Variants in TAOK3 observed in about 807,000 individuals in gnomAD.
TAOK3 encodes the protein TAO kinase 3.
TAOK3 carries 40 observed loss-of-function variants against 120.4 expected under a neutral mutation model. The observed-to-expected ratio is 0.33, with a 90% CI of 0.26 to 0.43. The LOEUF (loss-of-function observed/expected upper bound fraction) is 0.43. Ranked by LOEUF, TAOK3 falls within the 20% of genes least tolerant of loss-of-function variation. TAOK3 has a pLI of 1.00. For missense variants in TAOK3, 821 were observed against 1,112.1 expected (o/e 0.74, Z 3.72); for synonymous variants, 355 against 387.5 (o/e 0.92, Z 0.99).
intron 11 of TAOK3, among the ~76,000 whole-genome samples, chr12:118,212,063 C>T (rs529548388): frequency 6.6e-6 from 1 of 152,336 alleles, no homozygotes; most frequent in African/African-American, 2.4e-5. Flanking sequence ...GAAGTAAAAA[C>T]TTGTCACCTA....
intron 19 of TAOK3, chr12:118,152,684 C>T (rs979920378): frequency 6.5e-5 from 24 of 367,142 alleles, no homozygotes; most frequent in Non-Finnish European, 1.0e-4. Context: ...TGGAGGTAGG[C>T]TCCTGGGCTT....
chr12:118,171,464 C>T (rs1276023473), intron 17 of TAOK3, among the ~76,000 whole-genome samples: 4 of 152,226 alleles, frequency 2.6e-5, no homozygotes, highest in African/African-American at 7.2e-5. Context: ...TCAAGTGATT[C>T]TCCTGCCTCA....
chr12:118,260,133 T>C (rs988922247), intron 2 of TAOK3, among the ~76,000 whole-genome samples: 5 of 152,142 alleles, frequency 3.3e-5, no homozygotes, highest in African/African-American at 1.2e-4. Context: ...TTATTTTATC[T>C]ATTTTTTATT....
At chr12:118,177,143 T>C in intron 16 of TAOK3, 58 bp downstream of exon 16, 1 of 1,556,878 alleles carries the variant, frequency 6.4e-7, no homozygotes, top group Middle Eastern at 1.7e-4. Flanking sequence ...GATGAGTGAA[T>C]GTTAAGTTCC....
intron 9 of TAOK3, among the ~76,000 whole-genome samples, chr12:118,214,578 CTT>C (rs34183512): frequency 6.4e-5 from 9 of 140,466 alleles, no homozygotes; most frequent in Admixed American, 2.2e-4. Flanking sequence ...TAAAATGCAA[CTT>C]TTTTTTTTTT....
chr12:118,163,454 G>GC (rs1479475376), intron 17 of TAOK3, among the ~76,000 whole-genome samples: 1 of 148,808 alleles, frequency 6.7e-6, no homozygotes, highest in South Asian at 2.1e-4. Context: ...TTTTTGGGGG[G>GC]GGTGGGGGTA....
chr12:118,251,293 A>C (rs1387527838), intron 3 of TAOK3, among the ~76,000 whole-genome samples: 2 of 152,198 alleles, frequency 1.3e-5, no homozygotes, highest in African/African-American at 2.4e-5. Flanking sequence ...TTATATAAAT[A>C]CTACTTTGGC....
Position 118,160,091 on chromosome 12 carries a change from G to T in TAOK3, c.2352+55C>A. ...CTTGGGAACAACAGGCTGGATCTTG[G>T]ATTTTCTTGATTCCCAAAGCTCTCG... On this transcript the variant is annotated intron_variant, in intron 19 of 20. Coordinates refer to ENST00000392533, the MANE Select transcript of TAOK3 (RefSeq NM_016281.4). The surrounding 1 kb of genome is among the most constrained non-coding windows in gnomAD (Gnocchi z 4.2). The T allele has an allele frequency of 7.2e-7, 1 of 1,392,744 alleles. No individual in the cohort carries two copies. The highest frequency in any genetic ancestry group is 1.2e-5 in the South Asian group (1 of 85,420). 86.3% of individuals were successfully genotyped at this position (1,392,744 alleles called of 1,614,324 possible).
At chr12:118,290,892 A>G (rs200479877) in intron 1 of TAOK3, among the ~76,000 whole-genome samples, 1 of 143,068 alleles carries the variant, frequency 7.0e-6, no homozygotes, top group African/African-American at 2.8e-5. Context: ...TAGGGCGTTT[A>G]CTTTTTTTTT....
At chr12:118,346,852 T>C (rs1417553987) in intron 1 of TAOK3, among the ~76,000 whole-genome samples, 1 of 152,254 alleles carries the variant, frequency 6.6e-6, no homozygotes, top group Non-Finnish European at 1.5e-5. Flanking sequence ...CTATTCTATC[T>C]GTAGGTACTA....
intron 11 of TAOK3, 48 bp from the exon 12 acceptor site, chr12:118,201,511 T>A: frequency 1.3e-6 from 2 of 1,551,218 alleles, no homozygotes; most frequent in Non-Finnish European, 1.8e-6. Context: ...AGAAATGTCC[T>A]TAGGTGCAAG....
intron 1 of TAOK3, among the ~76,000 whole-genome samples, chr12:118,367,469 T>C (rs1205052798): frequency 6.6e-6 from 1 of 152,026 alleles, no homozygotes; most frequent in African/African-American, 2.4e-5. Context: ...GATCACATTT[T>C]GGCCCATAAA....
intron 1 of TAOK3, among the ~76,000 whole-genome samples, chr12:118,357,906 T>C (rs927607413): frequency 2.0e-4 from 31 of 152,220 alleles, no homozygotes; most frequent in African/African-American, 7.2e-4. Context: ...TTTCATACAT[T>C]AGAAAGAATA....
chr12:118,363,572 G>A (rs2045661889), intron 1 of TAOK3, among the ~76,000 whole-genome samples: 1 of 152,132 alleles, frequency 6.6e-6, no homozygotes, highest in Non-Finnish European at 1.5e-5. Flanking sequence ...GTAGCAAGGA[G>A]GATAATCAGA....
intron 17 of TAOK3, among the ~76,000 whole-genome samples, chr12:118,166,305 G>GAGAC (rs1358241203): frequency 6.6e-6 from 1 of 152,210 alleles, no homozygotes; most frequent in Non-Finnish European, 1.5e-5. Flanking sequence ...TTGGGAGGCT[G>GAGAC]AGACAGGTGG....
chr12:118,344,470 A>C (rs946100293), intron 1 of TAOK3, among the ~76,000 whole-genome samples: 2 of 151,928 alleles, frequency 1.3e-5, no homozygotes, highest in Admixed American at 6.6e-5. Flanking sequence ...AACAATACCT[A>C]TTCATATTTT....
At chr12:118,228,015 A>G (rs752232052) in intron 9 of TAOK3, among the ~76,000 whole-genome samples, 2 of 152,116 alleles carry the variant, frequency 1.3e-5, no homozygotes, top group African/African-American at 2.4e-5. Flanking sequence ...TAATCTTGTC[A>G]TATTTGTTTC....
intron 16 of TAOK3, among the ~76,000 whole-genome samples, chr12:118,176,313 G>A (rs2036320879): frequency 6.6e-6 from 1 of 152,120 alleles, no homozygotes; most frequent in African/African-American, 2.4e-5. Flanking sequence ...GGTGACCATG[G>A]TGGCTGGTGC....
chr12:118,294,443 C>G (rs1381001448), intron 1 of TAOK3, among the ~76,000 whole-genome samples: 1 of 151,400 alleles, frequency 6.6e-6, no homozygotes, highest in African/African-American at 2.4e-5. Context: ...GAGTGCAGTA[C>G]TGCACTCTCG....
Sources: gnomAD v4.1 joint callset for allele counts (sites outside exome capture counted in the v4.1 genomes callset) on GRCh38, gnomAD v4.1.1 for gene constraint, Gnocchi (gnomAD v3.1) non-coding constraint, MANE v1.5 for transcripts, NCBI Gene and HGNC (gene_info 2026-07-23, HGNC 2026-07-21) for gene names.